The following PRKG1 variants were observed in gnomAD, a reference collection of about 807,000 sequenced individuals.
PRKG1 encodes the protein cGMP-dependent protein kinase 1.
Under a neutral mutation model 88.1 loss-of-function variants are expected in PRKG1, and 35 were observed. The ratio of observed to expected loss-of-function variants is 0.40; its 90% CI spans 0.30 to 0.53. The LOEUF is 0.53. PRKG1 is among the 20% of genes least tolerant of loss of function. PRKG1 has a pLI of 0.59. For synonymous variants in PRKG1, 303 were observed against 292.5 expected, an observed-to-expected ratio of 1.04 and a Z score of -0.37; for missense variants, 540 against 839.8, an observed-to-expected ratio of 0.64 and a Z score of 4.41.
chr10:51,438,495 G>T (rs568814109), intron 2 of PRKG1, among the ~76,000 whole-genome samples: 1 of 151,820 alleles, frequency 6.6e-6, no homozygotes, highest in African/African-American at 2.4e-5. Flanking sequence ...ACAGTATTGA[G>T]AAGTACTGGT....
At chr10:51,455,322 A>G (rs1367276942) in intron 2 of PRKG1, among the ~76,000 whole-genome samples, 1 of 152,268 alleles carries the variant, frequency 6.6e-6, no homozygotes. Context: ...AGCTACCTCA[A>G]AGGTCTCTGA....
chr10:52,283,075 A>G (rs1842035013), intron 14 of PRKG1, among the ~76,000 whole-genome samples: 1 of 152,140 alleles, frequency 6.6e-6, no homozygotes, highest in African/African-American at 2.4e-5. Flanking sequence ...CATGTAAAAA[A>G]AACAGGAACA....
chr10:51,464,251 G>C lies in PRKG1; in HGVS notation c.479-3472G>C, dbSNP rs547121166. Among the ~76,000 whole-genome samples the C allele has an allele frequency of 7.9e-5, 12 of 152,074 alleles. No individual in the cohort carries two copies. In the East Asian group the frequency reaches 2.3e-3, roughly 29 times the overall value. ...TGCCGTGAGCCAAGATGACACCACT[G>C]CTCTCCAGCCTGGCTGAGCGAGACT... On this transcript the variant is annotated intron_variant, in intron 2 of 17. Transcript: ENST00000373980.
chr10:52,038,887 G>A (rs1845684969), intron 5 of PRKG1, among the ~76,000 whole-genome samples: 1 of 152,196 alleles, frequency 6.6e-6, no homozygotes. Flanking sequence ...AGAAGGGAGA[G>A]ATTGAAGAGT....
At chr10:51,919,251 T>C (rs1442606049) in intron 5 of PRKG1, among the ~76,000 whole-genome samples, 1 of 152,144 alleles carries the variant, frequency 6.6e-6, no homozygotes, top group Non-Finnish European at 1.5e-5. Flanking sequence ...CAGGCAGTAT[T>C]TTAGTAATGA....
intron 8 of PRKG1, among the ~76,000 whole-genome samples, chr10:52,158,753 T>C (rs1838194076): frequency 6.6e-6 from 1 of 151,594 alleles, no homozygotes; most frequent in East Asian, 1.9e-4. Context: ...ATCTTCTAAG[T>C]AAAGATTATT....
intron 2 of PRKG1, among the ~76,000 whole-genome samples, chr10:51,462,329 T>C (rs1038031631): frequency 6.6e-6 from 1 of 152,152 alleles, no homozygotes; most frequent in African/African-American, 2.4e-5. Context: ...CAGTAATAAA[T>C]CTCTAAGCTG....
rs140815093 is a variant in PRKG1, at chr10:51,417,529, C to T, written c.479-50194C>T. 2.9e-3 allele frequency among the ~76,000 whole-genome samples: 449 copies of T among 152,220 alleles called. 1 individual carries two copies. The highest frequency in any genetic ancestry group is 9.9e-3 in the African/African-American group (411 of 41,542). On this transcript the variant is annotated intron_variant, in intron 2 of 17. Coordinates refer to ENST00000373980, the MANE Select transcript of PRKG1 (RefSeq NM_006258.4). ...ACAGGTATGTAGGTATAAAATTCAC[C>T]ACTTCTGTGATTAAGGTCATAAAAT...
chr10:52,142,536 G>C (rs1048056094), intron 8 of PRKG1, among the ~76,000 whole-genome samples: 7 of 151,926 alleles, frequency 4.6e-5, no homozygotes, highest in Non-Finnish European at 7.4e-5. Flanking sequence ...AATATATATA[G>C]ATATATGGAT....
At chr10:52,246,845 C>T (rs1201261085) in intron 9 of PRKG1, among the ~76,000 whole-genome samples, 3 of 136,312 alleles carry the variant, frequency 2.2e-5, no homozygotes, top group South Asian at 2.3e-4. Context: ...CATTGCACTC[C>T]AGCCTGGGCA....
At position 51,532,776 on chromosome 10, in the gene PRKG1, A is replaced by G. The variant is rs183802549; in HGVS notation, c.592+64940A>G. Among the ~76,000 whole-genome samples, 26 of 152,302 alleles carry G rather than the reference A, an allele frequency of 1.7e-4. 1 individual carries two copies. In the East Asian group the frequency reaches 4.8e-3, roughly 28 times the overall value. ...GGCCATTCCTGTTTGAGTCAGGGAT[A>G]TACACTTTTCCCAAATTTATTGACT... On this transcript the variant is annotated intron_variant, in intron 3 of 17. Coordinates refer to ENST00000373980, the MANE Select transcript of PRKG1 (RefSeq NM_006258.4).
intron 7 of PRKG1, among the ~76,000 whole-genome samples, chr10:52,103,212 C>G (rs1039582442): frequency 8.5e-5 from 13 of 152,118 alleles, no homozygotes; most frequent in Non-Finnish European, 1.9e-4. Context: ...GTCTTCATGT[C>G]CCTGGTGCCA....
intron 1 of PRKG1, among the ~76,000 whole-genome samples, chr10:51,103,705 T>C (rs1234774291): frequency 6.6e-6 from 1 of 152,076 alleles, no homozygotes; most frequent in Non-Finnish European, 1.5e-5. Flanking sequence ...GCAGGAAGTG[T>C]CAAGCTTCAG....
Position 51,439,148 on chromosome 10 carries a change from T to C in PRKG1, c.479-28575T>C, listed in dbSNP as rs578117774. Among the ~76,000 whole-genome samples, 6 of 151,948 alleles carry C rather than the reference T, an allele frequency of 3.9e-5. No homozygotes were observed. In the South Asian group the frequency reaches 1.2e-3, roughly 32 times the overall value. On this transcript the variant is annotated intron_variant, in intron 2 of 17. Coordinates refer to ENST00000373980, the MANE Select transcript of PRKG1 (RefSeq NM_006258.4). ...CCCCCCCTTACGAACATGTCATGAC[T>C]TTGACCTTCAGTGTGGTAGAGTGAT...
intron 8 of PRKG1, among the ~76,000 whole-genome samples, chr10:52,135,187 G>T (rs1837374325): frequency 2.0e-5 from 3 of 152,062 alleles, no homozygotes; most frequent in Non-Finnish European, 2.9e-5. Context: ...AGTCGGGGAG[G>T]TGTTAAAAAG....
intron 5 of PRKG1, among the ~76,000 whole-genome samples, chr10:51,997,493 A>G (rs1844479849): frequency 6.6e-6 from 1 of 151,798 alleles, no homozygotes; most frequent in African/African-American, 2.4e-5. Flanking sequence ...AAAAGAAAGA[A>G]ATAAGTTAAA....
chr10:52,075,927 G>A (rs1341965595), intron 7 of PRKG1, among the ~76,000 whole-genome samples: 1 of 152,006 alleles, frequency 6.6e-6, no homozygotes, highest in Non-Finnish European at 1.5e-5. Context: ...TCTCCCAAAG[G>A]CCCTGTCTCT....
At chr10:52,263,736 G>A (rs1369180809) in intron 10 of PRKG1, among the ~76,000 whole-genome samples, 2 of 151,526 alleles carry the variant, frequency 1.3e-5, no homozygotes, top group Non-Finnish European at 2.9e-5. Context: ...CACCATGCCC[G>A]ACTAATTTTT....
At chr10:51,652,884 A>G (rs184861542) in intron 3 of PRKG1, among the ~76,000 whole-genome samples, 1 of 151,710 alleles carries the variant, frequency 6.6e-6, no homozygotes, top group Non-Finnish European at 1.5e-5. Context: ...TTCTCCTACT[A>G]CTCCTCTCCA....
Sources: allele counts gnomAD v4.1 joint callset (sites outside exome capture counted in the v4.1 genomes callset), GRCh38; gene constraint gnomAD v4.1.1; transcripts MANE v1.5; gene names NCBI Gene and HGNC (gene_info 2026-07-23, HGNC 2026-07-21).